The following SS18L1 variants were observed in gnomAD, a reference collection of about 807,000 sequenced individuals.
The protein encoded by SS18L1 is SS18L1 subunit of BAF chromatin remodeling complex.
In SS18L1, 32 loss-of-function variants were observed where a neutral mutation model predicts 70.3. The observed-to-expected ratio is 0.46, with a 90% CI of 0.34 to 0.61. The LOEUF (loss-of-function observed/expected upper bound fraction) is 0.61. Among genes scored for constraint, SS18L1 ranks in the 20% least tolerant of loss-of-function variants. The pLI is 0.01. For missense variants in SS18L1, 430 were observed against 542.1 expected, an observed-to-expected ratio of 0.79 and a Z score of 2.05; for synonymous variants, 237 against 229.7, an observed-to-expected ratio of 1.03 and a Z score of -0.29.
At chr20:62,177,564 C>T (rs1441835785) in intron 10 of SS18L1, among the ~76,000 whole-genome samples, 1 of 152,216 alleles carries the variant, frequency 6.6e-6, no homozygotes, top group Non-Finnish European at 1.5e-5. Flanking sequence ...GCTGGGGACA[C>T]ATGGAGAACA....
At chr20:62,179,032 C>T (rs920925369) in intron 10 of SS18L1, 150 bp from the exon 11 acceptor site, 66 of 763,832 alleles carry the variant, frequency 8.6e-5, no homozygotes, top group Non-Finnish European at 1.3e-4. Context: ...CCAGTGGCTT[C>T]TGGAAAGTCG....
In SS18L1 at chr20:62,161,620, G is replaced by A; in HGVS notation, c.376+40G>A. ...GGAGGAGGACGTTCCTGGCTACGAG[G>A]CCACCAAGGCAGCCCTTGGGCAGCC... On this transcript the variant is annotated intron_variant, in intron 4 of 10. Coordinates refer to ENST00000331758, the MANE Select transcript of SS18L1 (RefSeq NM_198935.3). The surrounding 1 kb of genome is among the most constrained non-coding windows in gnomAD (Gnocchi z 4.4). 1 of 1,584,182 alleles carries A rather than the reference G, an allele frequency of 6.3e-7. No homozygotes were observed.
chr20:62,149,529 A>G (rs1273088410), intron 1 of SS18L1, among the ~76,000 whole-genome samples: 2 of 152,224 alleles, frequency 1.3e-5, no homozygotes, highest in Non-Finnish European at 2.9e-5. Flanking sequence ...GATGGGGGCC[A>G]TGGAGCTGCA....
chr20:62,153,379 G>A (rs992132270), intron 1 of SS18L1, among the ~76,000 whole-genome samples: 1 of 152,106 alleles, frequency 6.6e-6, no homozygotes, highest in Non-Finnish European at 1.5e-5. Flanking sequence ...CCACCTCCCA[G>A]AGGCGCTGTC....
intron 1 of SS18L1, among the ~76,000 whole-genome samples, chr20:62,153,651 T>C (rs569771555): frequency 2.6e-5 from 4 of 152,296 alleles, no homozygotes; most frequent in East Asian, 1.9e-4. Context: ...GCTTTTGTTT[T>C]CCCTGGAGTT....
rs530162637 is a variant in SS18L1 at position 62,167,334 on chromosome 20, C to T, written c.916+1820C>T. ...CTGGGATTACAGGCGTGAGCCACCGCGCCCGGCCGAGCTCAGGAGTTTGAG... is the reference window on the plus strand; with the variant it reads ...CTGGGATTACAGGCGTGAGCCACCGTGCCCGGCCGAGCTCAGGAGTTTGAG... On this transcript the variant is annotated intron_variant, in intron 8 of 10. Transcript: ENST00000331758. Among the ~76,000 whole-genome samples the T allele has an allele frequency of 1.5e-3, 229 of 150,528 alleles. 1 individual carries two copies. The highest frequency in any genetic ancestry group is 5.4e-3 in the African/African-American group (222 of 40,988).
chr20:62,172,377 G>T (rs1601050594), intron 8 of SS18L1, among the ~76,000 whole-genome samples: 1 of 151,978 alleles, frequency 6.6e-6, no homozygotes, highest in East Asian at 1.9e-4. Flanking sequence ...TCCAAATAAG[G>T]TTCCATTCAC....
In SS18L1 at chr20:62,167,042, G is replaced by GTTTTTTTTT. The variant is rs1216570693; in HGVS notation, c.916+1541_916+1549dup. Among the ~76,000 whole-genome samples the GTTTTTTTTT allele has an allele frequency of 3.0e-4, 26 of 88,130 alleles. 1 individual carries two copies. The highest frequency in any genetic ancestry group is 4.3e-4 in the East Asian group (1 of 2,340). The allele number at this position is 88,130 out of a possible 152,430, so 57.8% of individuals were successfully genotyped here. A position where few individuals can be genotyped will look rare whatever the true frequency, so the allele number is the denominator to read the frequency against. On this transcript the variant is annotated intron_variant, in intron 8 of 10. Coordinates refer to ENST00000331758, the MANE Select transcript of SS18L1 (RefSeq NM_198935.3). ...ATTGCTTGAGCTCAGGAGTTTGTTT[G>GTTTTTTTTT]TTTTTTTTTTTTTTTTTTTTTGAGA... is the stretch of plus-strand genomic sequence containing the variant.
Position 62,174,703 on chromosome 20 carries a change from A to C in SS18L1, c.1164+59A>C. The C allele has an allele frequency of 6.2e-7, 1 of 1,612,278 alleles. No individual in the cohort carries two copies. Among genetic ancestry groups the C allele is most frequent in the Non-Finnish European group, 8.5e-7 (1 of 1,179,770 alleles). On this transcript the variant is annotated intron_variant, in intron 10 of 10. Transcript: ENST00000331758. This position sits in a 1 kb window ranked among gnomAD's most constrained non-coding sequence, Gnocchi z 4.1. ...CCGCCGCGCCTGTCGAGACATAATG[A>C]AGATTTCTCTTATGGCCATGAGGAA...
At chr20:62,148,488 C>T (rs1162095884) in intron 1 of SS18L1, among the ~76,000 whole-genome samples, 4 of 149,724 alleles carry the variant, frequency 2.7e-5, no homozygotes, top group African/African-American at 9.9e-5. Flanking sequence ...TCCTTGCTCT[C>T]TTCGGTCAGG....
chr20:62,161,224 C>T lies in SS18L1; in HGVS notation c.232-212C>T, dbSNP rs909616361. On this transcript the variant is annotated intron_variant, in intron 3 of 10. Coordinates refer to ENST00000331758, the MANE Select transcript of SS18L1 (RefSeq NM_198935.3). The surrounding 1 kb of genome is among the most constrained non-coding windows in gnomAD (Gnocchi z 4.4). The stretch of plus-strand genomic sequence containing the variant: ...ACTTGATACTCAGTAGGGTTGTGAA[C>T]GCTCACCCAGATGCTCACTCTGCCA... Among the ~76,000 whole-genome samples the T allele has an allele frequency of 6.0e-5, 9 of 150,616 alleles. No individual in the cohort carries two copies. Among genetic ancestry groups the T allele is most frequent in the East Asian group, 3.9e-4 (2 of 5,118 alleles).
intron 1 of SS18L1, among the ~76,000 whole-genome samples, chr20:62,151,661 C>T (rs1326963356): frequency 1.3e-5 from 2 of 152,184 alleles, no homozygotes; most frequent in Admixed American, 6.5e-5. Flanking sequence ...CACGCGGCTC[C>T]GGGAGGTTTG....
intron 9 of SS18L1, among the ~76,000 whole-genome samples, chr20:62,173,484 C>T (rs1057323875): frequency 6.7e-6 from 1 of 149,574 alleles, no homozygotes; most frequent in African/African-American, 2.5e-5. Flanking sequence ...CTGAGGTGGG[C>T]GGATGACCTG....
intron 8 of SS18L1, among the ~76,000 whole-genome samples, chr20:62,171,384 T>G (rs2057529129): frequency 6.6e-6 from 1 of 152,180 alleles, no homozygotes; most frequent in Admixed American, 6.5e-5. Flanking sequence ...ACAGCTCGTT[T>G]GCCAGCTGTT....
chr20:62,170,029 ACTGTGTTTTTATGTGACACGG>A (rs1457164893), intron 8 of SS18L1, among the ~76,000 whole-genome samples: 1 of 151,840 alleles, frequency 6.6e-6, no homozygotes, highest in African/African-American at 2.4e-5. Context: ...CGTGTGGATC[ACTGTGTTTTTATGTGACACGG>A]CTTTGAGCGT....
intron 8 of SS18L1, among the ~76,000 whole-genome samples, chr20:62,166,175 G>A (rs1054610817): frequency 6.6e-6 from 1 of 152,226 alleles, no homozygotes; most frequent in Admixed American, 6.5e-5. Context: ...CCCACCCCGG[G>A]ATAAAGATGG....
chr20:62,159,822 C>T lies in SS18L1; in HGVS notation c.147-55C>T, dbSNP rs1489385851. On this transcript the variant is annotated intron_variant, in intron 2 of 10. Transcript: ENST00000331758. The surrounding 1 kb of genome is among the most constrained non-coding windows in gnomAD (Gnocchi z 4.4). ...ACACTTTACTTCTGCCTTGGATCCACGTGGGGACTCTGTGGTCCCGTCGTC... is the reference window on the plus strand; with the variant it reads ...ACACTTTACTTCTGCCTTGGATCCATGTGGGGACTCTGTGGTCCCGTCGTC... The T allele has an allele frequency of 8.4e-6, 13 of 1,554,686 alleles. No individual in the cohort carries two copies. Among genetic ancestry groups the T allele is most frequent in the East Asian group, 6.9e-5 (3 of 43,614 alleles).
intron 1 of SS18L1, among the ~76,000 whole-genome samples, chr20:62,150,234 A>C (rs1340973947): frequency 6.6e-6 from 1 of 152,244 alleles, no homozygotes; most frequent in South Asian, 2.1e-4. Context: ...GAGGGGTCCC[A>C]CTGGCTTCCA....
intron 1 of SS18L1, among the ~76,000 whole-genome samples, chr20:62,145,744 A>G (rs978060656): frequency 2.6e-5 from 4 of 152,200 alleles, no homozygotes; most frequent in South Asian, 2.1e-4. Flanking sequence ...TTGGCTTGGT[A>G]GGGCCAGCAG....
Sources: allele counts gnomAD v4.1 joint callset (sites outside exome capture counted in the v4.1 genomes callset), GRCh38; gene constraint gnomAD v4.1.1; non-coding constraint Gnocchi (gnomAD v3.1); transcripts MANE v1.5; gene names NCBI Gene and HGNC (gene_info 2026-07-23, HGNC 2026-07-21).